The following GRIA4 variants were observed in gnomAD, a reference collection of about 807,000 sequenced individuals.
GRIA4 encodes the protein glutamate receptor 4.
In GRIA4, 34 loss-of-function variants were observed where a neutral mutation model predicts 104.0. The observed-to-expected ratio is 0.33, with a 90% CI of 0.25 to 0.44. The LOEUF is 0.44. Among genes scored for constraint, GRIA4 ranks in the 20% least tolerant of loss-of-function variants. The pLI is 1.00. For synonymous variants in GRIA4, 386 were observed against 381.9 expected, an observed-to-expected ratio of 1.01 and a Z score of -0.13; for missense variants, 750 against 1,096.5, an observed-to-expected ratio of 0.68 and a Z score of 4.46.
Position 105,933,950 on chromosome 11 carries a change from C to A in GRIA4, c.2275C>A (p.Pro759Thr), listed in dbSNP as rs1365900590. The stretch of plus-strand genomic sequence containing the variant: ...TTCCAAAGGCTATGGAGTAGCAACG[C>A]CCAAGGGTTCCTCATTAAGGTGGGT... The part of the protein sequence containing the change: ...LDSKGYGVAT[P>T]KGSSLRTPVN... Residue 759 changes from proline to threonine, a missense_variant, in exon 14 of 17, where the codon CCC becomes ACC. Physicochemically the swap from Pro to Thr is conservative, Grantham distance 38. This residue lies in a region of GRIA4 where 272 missense variants were observed against 524.5 expected (regional missense o/e 0.52). Transcript: ENST00000282499. The A allele has an allele frequency of 1.2e-6, 2 of 1,612,584 alleles. No individual in the cohort carries two copies. Among genetic ancestry groups the A allele is most frequent in the South Asian group, 2.2e-5 (2 of 90,998 alleles).
intron 3 of GRIA4, among the ~76,000 whole-genome samples, chr11:105,751,588 T>C (rs1482651669): frequency 6.6e-6 from 1 of 152,186 alleles, no homozygotes; most frequent in Non-Finnish European, 1.5e-5. Context: ...GGTTCTTCTT[T>C]GATAGAATTT....
chr11:105,934,032 C>T, intron 14 of GRIA4, 63 bp downstream of exon 14: 1 of 1,302,832 alleles, frequency 7.7e-7, no homozygotes, highest in Non-Finnish European at 1.1e-6. Flanking sequence ...CCCTGATGTG[C>T]CTGAGAGAAT....
intron 10 of GRIA4, chr11:105,911,775 AAT>A (rs60005308): frequency 0.018 from 1,335 of 74,346 alleles, 27 homozygotes; most frequent in South Asian, 0.036. Context: ...CTTGAAAAGC[AAT>A]ATATATATAT....
chr11:105,697,448 G>C (rs1156784189), intron 3 of GRIA4, among the ~76,000 whole-genome samples: 2 of 152,200 alleles, frequency 1.3e-5, no homozygotes, highest in Non-Finnish European at 2.9e-5. Flanking sequence ...GCTAAAAGGT[G>C]GGGCAAAGGT....
chr11:105,753,190 T>A lies in GRIA4; in HGVS notation c.457T>A (p.Cys153Ser). The A allele has an allele frequency of 6.2e-7, 1 of 1,613,730 alleles. No homozygotes were observed. Among genetic ancestry groups the A allele is most frequent in the South Asian group, 1.1e-5 (1 of 91,082 alleles). ...TTTGCTGGATCACTACGAATGGAAC[T>A]GTTTTGTCTTCCTGTATGACACAGA... Reference protein sequence around the residue: ...LSLLDHYEWNCFVFLYDTDRG... With the variant: ...LSLLDHYEWNSFVFLYDTDRG... The change falls in exon 4 of 17, where the codon TGT (cysteine) becomes AGT (serine). Residue 153 changes from cysteine to serine, a missense_variant. Around this residue, in one of 3 missense-constraint regions of GRIA4, gnomAD observed 410 missense variants for 502.7 expected, o/e 0.82. Coordinates refer to ENST00000282499, the MANE Select transcript of GRIA4 (RefSeq NM_000829.4).
chr11:105,979,685 A>G lies in GRIA4; in HGVS notation c.2655A>G (p.Gly885=). 6.2e-7 allele frequency: 1 copy of G among 1,614,042 alleles called. No homozygotes were observed. The highest frequency in any genetic ancestry group is 1.3e-5 in the African/African-American group (1 of 75,054). Residue 885 remains glycine (G), a synonymous_variant, in exon 17 of 17, where the codon GGA becomes GGG. Coordinates refer to ENST00000282499, the MANE Select transcript of GRIA4 (RefSeq NM_000829.4). ...TPDCPKAVHT[G]TAIRQSSGLA... ...ACTGCCCAAAGGCTGTACACACTGG[A>G]ACTGCAATCAGACAAAGTTCAGGAT...
intron 14 of GRIA4, among the ~76,000 whole-genome samples, chr11:105,948,636 T>C (rs562823876): frequency 1.3e-3 from 185 of 139,638 alleles, no homozygotes; most frequent in Middle Eastern, 3.9e-3. Flanking sequence ...CTTGCTTTGT[T>C]GCCAGGCAGG....
chr11:105,741,417 T>C (rs1939297881), intron 3 of GRIA4, among the ~76,000 whole-genome samples: 1 of 152,156 alleles, frequency 6.6e-6, no homozygotes, highest in Admixed American at 6.6e-5. Context: ...TGAGTAATAG[T>C]TGAAGCTATA....
At chr11:105,704,161 C>T (rs1458510893) in intron 3 of GRIA4, among the ~76,000 whole-genome samples, 1 of 152,026 alleles carries the variant, frequency 6.6e-6, no homozygotes, top group Non-Finnish European at 1.5e-5. Flanking sequence ...CCCATTCTCC[C>T]ATGCTGCTTG....
intron 4 of GRIA4, among the ~76,000 whole-genome samples, chr11:105,825,974 G>A (rs761995466): frequency 7.2e-5 from 11 of 151,956 alleles, no homozygotes; most frequent in Non-Finnish European, 1.3e-4. Flanking sequence ...AAACCCCATA[G>A]TTGAATTTGG....
intron 4 of GRIA4, among the ~76,000 whole-genome samples, chr11:105,761,819 C>T (rs1276111377): frequency 2.6e-5 from 4 of 151,946 alleles, no homozygotes; most frequent in Admixed American, 6.6e-5. Context: ...TTTTGCCCAT[C>T]GGCAATAGTT....
At position 105,687,153 on chromosome 11, in the gene GRIA4, G is replaced by C. The variant is rs189900809; in HGVS notation, c.248-65828G>C. Among the ~76,000 whole-genome samples the C allele has an allele frequency of 3.9e-5, 6 of 152,260 alleles. No homozygotes were observed. In the East Asian group the frequency reaches 1.2e-3, roughly 29 times the overall value. On this transcript the variant is annotated intron_variant, in intron 3 of 16. Transcript: ENST00000282499. The stretch of plus-strand genomic sequence containing the variant: ...AATTATTTCCAAAGACTGATTTCTA[G>C]AATGGTGTTTCCTAGGTAAAAAAGA...
intron 14 of GRIA4, among the ~76,000 whole-genome samples, chr11:105,939,998 G>A (rs1237451362): frequency 3.3e-5 from 5 of 152,102 alleles, no homozygotes; most frequent in Non-Finnish European, 7.4e-5. Context: ...TCACACCGCA[G>A]TGGATTCCTC....
At chr11:105,851,942 T>A (rs184988044) in intron 4 of GRIA4, among the ~76,000 whole-genome samples, 1 of 152,332 alleles carries the variant, frequency 6.6e-6, no homozygotes, top group Non-Finnish European at 1.5e-5. Flanking sequence ...TACTGTTCCA[T>A]TTCTATATCG....
At chr11:105,952,342 A>T (rs1948474940) in intron 14 of GRIA4, among the ~76,000 whole-genome samples, 2 of 152,202 alleles carry the variant, frequency 1.3e-5, no homozygotes, top group Admixed American at 1.3e-4. Context: ...AAAGAGAACC[A>T]TGACCCAAAG....
chr11:105,754,557 G>A (rs1014070793), intron 4 of GRIA4, among the ~76,000 whole-genome samples: 1 of 152,078 alleles, frequency 6.6e-6, no homozygotes, highest in Non-Finnish European at 1.5e-5. Flanking sequence ...GGAGAGACAA[G>A]GTGAATAACT....
intron 6 of GRIA4, among the ~76,000 whole-genome samples, chr11:105,896,824 A>G (rs1249197850): frequency 6.6e-6 from 1 of 152,208 alleles, no homozygotes; most frequent in African/African-American, 2.4e-5. Context: ...CTTATAGTAT[A>G]GTCTTAAGTC....
At chr11:105,814,897 A>G (rs1943316167) in intron 4 of GRIA4, among the ~76,000 whole-genome samples, 1 of 152,180 alleles carries the variant, frequency 6.6e-6, no homozygotes, top group African/African-American at 2.4e-5. Context: ...CACAGAGGTG[A>G]ATATATGGCC....
chr11:105,957,101 C>A (rs1270147045), intron 14 of GRIA4, among the ~76,000 whole-genome samples: 2 of 152,166 alleles, frequency 1.3e-5, no homozygotes, highest in Admixed American at 6.5e-5. Flanking sequence ...TGTGCAGAAG[C>A]TCTTTAGTTT....
Sources: allele counts gnomAD v4.1 joint callset (sites outside exome capture counted in the v4.1 genomes callset), GRCh38; gene constraint gnomAD v4.1.1; regional missense constraint gnomAD v4.1.1; transcripts MANE v1.5; gene names NCBI Gene and HGNC (gene_info 2026-07-23, HGNC 2026-07-21).